Variants in KLRD1 observed in about 807,000 individuals in gnomAD.
KLRD1 encodes natural killer cells antigen CD94.
In KLRD1, 21 loss-of-function variants were observed where a neutral mutation model predicts 22.6. That is an observed-to-expected ratio of 0.93 (90% CI 0.66 to 1.34). The LOEUF (loss-of-function observed/expected upper bound fraction) is 1.34, where lower values mean the gene tolerates loss of function less well. Among genes scored for constraint, KLRD1 ranks in the 40% most tolerant of loss-of-function variants. KLRD1 has a pLI of 0.00. For missense variants in KLRD1, 183 were observed against 208.6 expected, an observed-to-expected ratio of 0.88 and a Z score of 0.76; for synonymous variants, 59 against 71.1, an observed-to-expected ratio of 0.83 and a Z score of 0.85.
rs1267387933 is a variant in KLRD1 at position 10,318,815 on chromosome 12, C to T, written c.*4022C>T. ...GAGCTGAGATCGCGCCACTGCACTC[C>T]AGCCTGGGTGACAGAGGAGACTCCG... On this transcript the variant is annotated 3_prime_UTR_variant, in exon 6 of 6. Coordinates refer to ENST00000336164, the MANE Select transcript of KLRD1 (RefSeq NM_002262.5). 1 of 132,700 alleles carries T rather than the reference C, an allele frequency of 7.5e-6. No individual in the cohort carries two copies. The highest frequency in any genetic ancestry group is 9.0e-5 in the Admixed American group (1 of 11,104). The allele number at this position is 132,700 out of a possible 1,614,324, so 8.2% of individuals were successfully genotyped here.
Position 10,327,156 on chromosome 12 carries a change from TGTC to T in KLRD1, c.*12364_*12366del, listed in dbSNP as rs1311049624. 11 of 152,218 alleles carry T rather than the reference TGTC, an allele frequency of 7.2e-5. No individual in the cohort carries two copies. The highest frequency in any genetic ancestry group is 1.6e-4 in the Non-Finnish European group (11 of 68,028). 9.4% of individuals were successfully genotyped at this position (152,218 alleles called of 1,614,324 possible). A position where few individuals can be genotyped will look rare whatever the true frequency, so the allele number is the denominator to read the frequency against. The stretch of plus-strand genomic sequence containing the variant: ...TCCCGTCACTGTTTGTTGAAGAAAC[TGTC>T]ATTTCCCCTTAAATAGTCCTGCCAC... On this transcript the variant is annotated 3_prime_UTR_variant, in exon 6 of 6. Transcript: ENST00000336164.
chr12:10,301,876 G>T (rs927669863), upstream of KLRD1, among the ~76,000 whole-genome samples: 1 of 152,120 alleles, frequency 6.6e-6, no homozygotes, highest in Non-Finnish European at 1.5e-5. Flanking sequence ...TGAGGCCATT[G>T]TAGGGTTATT....
chr12:10,251,959 G>T (rs1322887926), intron 1 of KLRD1, among the ~76,000 whole-genome samples: 1 of 152,152 alleles, frequency 6.6e-6, no homozygotes, highest in Non-Finnish European at 1.5e-5. Flanking sequence ...ACAGGCCACA[G>T]TACCGGTCTG....
intron 1 of KLRD1, among the ~76,000 whole-genome samples, chr12:10,263,719 C>T (rs1442492617): frequency 6.6e-6 from 1 of 152,012 alleles, no homozygotes; most frequent in Non-Finnish European, 1.5e-5. Context: ...CCATGTTATT[C>T]CAGCTTGAGT....
rs1189413186 is a variant in KLRD1, at chr12:10,319,907, C to T, written c.*5114C>T. 2 of 144,532 alleles carry T rather than the reference C, an allele frequency of 1.4e-5. No homozygotes were observed. Among genetic ancestry groups the T allele is most frequent in the South Asian group, 4.4e-4 (2 of 4,562 alleles). 9.0% of individuals were successfully genotyped at this position (144,532 alleles called of 1,614,324 possible). ...TTTTGACAGAGTCTCACTCTGTCAC[C>T]TGGGCTGGAGTGCAGTGGGGCCATG... On this transcript the variant is annotated 3_prime_UTR_variant, in exon 6 of 6. Coordinates refer to ENST00000336164, the MANE Select transcript of KLRD1 (RefSeq NM_002262.5).
chr12:10,320,343 CCTT>C lies in KLRD1; in HGVS notation c.*5553_*5555del, dbSNP rs1393922261. On this transcript the variant is annotated 3_prime_UTR_variant, in exon 6 of 6. Coordinates refer to ENST00000336164, the MANE Select transcript of KLRD1 (RefSeq NM_002262.5). ...GCCAAAAGGACAGGAAAGACTGAAACCTTCTAGTATGGGCTTATAGTAGGGAAG... is the reference window on the plus strand; with the variant it reads ...GCCAAAAGGACAGGAAAGACTGAAACCTAGTATGGGCTTATAGTAGGGAAG... 3.3e-5 allele frequency: 5 copies of C among 150,742 alleles called. No homozygotes were observed. Among genetic ancestry groups the C allele is most frequent in the African/African-American group, 1.2e-4 (5 of 41,098 alleles). The allele number at this position is 150,742 out of a possible 1,614,324, so 9.3% of individuals were successfully genotyped here.
At chr12:10,270,394 G>A (rs973772601) in intron 1 of KLRD1, among the ~76,000 whole-genome samples, 4 of 152,114 alleles carry the variant, frequency 2.6e-5, no homozygotes, top group African/African-American at 4.8e-5. Context: ...TTACCAGAGC[G>A]ATTAAATAAA....
intron 1 of KLRD1, among the ~76,000 whole-genome samples, chr12:10,270,355 C>T (rs527948511): frequency 6.6e-6 from 1 of 152,202 alleles, no homozygotes; most frequent in Non-Finnish European, 1.5e-5. Context: ...CTAAAAAATA[C>T]TTACTCTTAG....
intron 1 of KLRD1, among the ~76,000 whole-genome samples, chr12:10,242,868 A>G (rs1565444807): frequency 6.6e-6 from 1 of 152,174 alleles, no homozygotes; most frequent in Admixed American, 6.5e-5. Flanking sequence ...ACAACAGCCA[A>G]TATATGGAAG....
chr12:10,239,168 G>A (rs554970183), intron 1 of KLRD1, among the ~76,000 whole-genome samples: 7 of 152,320 alleles, frequency 4.6e-5, no homozygotes, highest in Admixed American at 6.5e-5. Flanking sequence ...ATGAGATGAG[G>A]CTTCTAATGG....
intron 1 of KLRD1, among the ~76,000 whole-genome samples, chr12:10,258,573 T>C (rs1046989375): frequency 6.6e-6 from 1 of 152,148 alleles, no homozygotes; most frequent in African/African-American, 2.4e-5. Flanking sequence ...TATTGAAAAA[T>C]AGAAATTTAG....
upstream of KLRD1, among the ~76,000 whole-genome samples, chr12:10,302,451 T>A (rs1200605504): frequency 6.6e-6 from 1 of 152,212 alleles, no homozygotes; most frequent in Non-Finnish European, 1.5e-5. Context: ...AGGTTCTTCC[T>A]GGCCGTTGCA....
At chr12:10,313,295 C>T (rs932508578) in intron 4 of KLRD1, 115 bp from the exon 5 acceptor site, 13 of 532,292 alleles carry the variant, frequency 2.4e-5, no homozygotes, top group Admixed American at 1.8e-4. Context: ...AAATAATTTC[C>T]GTTTGTGTGA....
intron 2 of KLRD1, 61 bp downstream of exon 2, chr12:10,309,541 A>G: frequency 7.9e-7 from 1 of 1,271,680 alleles, no homozygotes; most frequent in Non-Finnish European, 1.2e-6. Context: ...ATTTAATAAT[A>G]AAGGCTTCAT....
intron 1 of KLRD1, among the ~76,000 whole-genome samples, chr12:10,240,806 A>G (rs1011093278): frequency 1.4e-4 from 21 of 152,224 alleles, no homozygotes; most frequent in Admixed American, 1.3e-4. Context: ...TAAGTAAATT[A>G]TACAGGGATT....
upstream of KLRD1, among the ~76,000 whole-genome samples, chr12:10,306,863 AT>A (rs537560265): frequency 6.6e-6 from 1 of 152,098 alleles, no homozygotes; most frequent in African/African-American, 2.4e-5. Flanking sequence ...CTTTTCTTTC[AT>A]TTTTTTCTGT....
intron 1 of KLRD1, among the ~76,000 whole-genome samples, chr12:10,253,466 T>C (rs1436201587): frequency 6.6e-6 from 1 of 152,210 alleles, no homozygotes; most frequent in Admixed American, 6.5e-5. Context: ...GTTTGTTACA[T>C]GGGTAAACAT....
At chr12:10,303,710 G>A (rs1405435514), upstream of KLRD1, among the ~76,000 whole-genome samples, 2 of 152,118 alleles carry the variant, frequency 1.3e-5, no homozygotes, top group Admixed American at 6.5e-5. Flanking sequence ...GGGGTGATAT[G>A]TCCTGAGCCC....
chr12:10,302,274 G>T (rs998928730), upstream of KLRD1, among the ~76,000 whole-genome samples: 13 of 152,140 alleles, frequency 8.5e-5, no homozygotes, highest in Non-Finnish European at 1.5e-4. Context: ...AAAGTAGGTT[G>T]CAATAAAACA....
Sources: gnomAD v4.1 joint callset for allele counts (sites outside exome capture counted in the v4.1 genomes callset) on GRCh38, gnomAD v4.1.1 for gene constraint, MANE v1.5 for transcripts, NCBI Gene and HGNC (gene_info 2026-07-23, HGNC 2026-07-21) for gene names.